KCNK2: variants seen among roughly 807,000 people sequenced by gnomAD.
KCNK2 encodes potassium channel subfamily K member 2.
In KCNK2, 21 loss-of-function variants were observed where a neutral mutation model predicts 40.5. The ratio of observed to expected loss-of-function variants is 0.52; its 90% CI spans 0.37 to 0.75. The LOEUF is 0.75. KCNK2 is among the 30% of genes least tolerant of loss of function. The pLI is 0.00. For synonymous variants in KCNK2, 191 were observed against 202.2 expected, an observed-to-expected ratio of 0.94 and a Z score of 0.47; for missense variants, 399 against 531.6, an observed-to-expected ratio of 0.75 and a Z score of 2.45.
intron 3 of KCNK2, among the ~76,000 whole-genome samples, chr1:215,132,947 G>A (rs1304403556): frequency 6.6e-6 from 1 of 152,184 alleles, no homozygotes; most frequent in Non-Finnish European, 1.5e-5. Flanking sequence ...AGAGCACCTA[G>A]TACCCAGAAT....
At chr1:215,100,606 A>G (rs917527721) in intron 2 of KCNK2, among the ~76,000 whole-genome samples, 2 of 152,022 alleles carry the variant, frequency 1.3e-5, no homozygotes, top group African/African-American at 2.4e-5. Context: ...CAGTCCATAA[A>G]GAAATTTAAA....
At chr1:215,125,211 T>G (rs1661362030) in intron 3 of KCNK2, among the ~76,000 whole-genome samples, 1 of 152,188 alleles carries the variant, frequency 6.6e-6, no homozygotes, top group African/African-American at 2.4e-5. Context: ...TGATGATTAC[T>G]TCAGGGCTTT....
chr1:215,007,780 T>C (rs1436007830), intron 1 of KCNK2, among the ~76,000 whole-genome samples: 1 of 152,176 alleles, frequency 6.6e-6, no homozygotes, highest in Non-Finnish European at 1.5e-5. Context: ...TGTATAATCA[T>C]CTATAGCATT....
intron 2 of KCNK2, among the ~76,000 whole-genome samples, chr1:215,104,625 T>C (rs1287542618): frequency 6.6e-6 from 1 of 152,078 alleles, no homozygotes; most frequent in Non-Finnish European, 1.5e-5. Flanking sequence ...AGGTGGTGTC[T>C]TTATGAAGTA....
chr1:215,120,325 G>A (rs187960815), intron 2 of KCNK2, among the ~76,000 whole-genome samples: 1 of 152,110 alleles, frequency 6.6e-6, no homozygotes, highest in Non-Finnish European at 1.5e-5. Context: ...AATTAATGGG[G>A]GCGGAGTCTG....
At chr1:215,131,697 C>T (rs1198473197) in intron 3 of KCNK2, among the ~76,000 whole-genome samples, 1 of 151,888 alleles carries the variant, frequency 6.6e-6, no homozygotes, top group Non-Finnish European at 1.5e-5. Context: ...CCACTATGGT[C>T]TACAGTGACT....
intron 1 of KCNK2, among the ~76,000 whole-genome samples, chr1:215,071,104 G>A (rs1346693785): frequency 2.0e-5 from 3 of 152,156 alleles, no homozygotes; most frequent in African/African-American, 7.2e-5. Context: ...ATAGTTAGCA[G>A]AATTCTGAAC....
At chr1:215,089,769 A>G (rs923093848) in intron 2 of KCNK2, among the ~76,000 whole-genome samples, 3 of 152,066 alleles carry the variant, frequency 2.0e-5, no homozygotes, top group African/African-American at 7.2e-5. Context: ...ATTACATTTA[A>G]ACTAATGTGA....
chr1:215,186,375 C>A (rs1242991557), intron 5 of KCNK2, among the ~76,000 whole-genome samples: 2 of 152,098 alleles, frequency 1.3e-5, no homozygotes, highest in African/African-American at 4.8e-5. Context: ...TCCTGGGCAA[C>A]AGGGCGAGGC....
At chr1:215,204,037 CAAA>C (rs71167813) in intron 6 of KCNK2, among the ~76,000 whole-genome samples, 61 of 53,178 alleles carry the variant, frequency 1.1e-3, no homozygotes, top group African/African-American at 6.3e-3. Context: ...GACTCCGTCT[CAAA>C]AAAAAAAAAA....
intron 6 of KCNK2, among the ~76,000 whole-genome samples, chr1:215,210,722 T>G (rs1665707213): frequency 6.6e-6 from 1 of 152,106 alleles, no homozygotes; most frequent in Non-Finnish European, 1.5e-5. Flanking sequence ...GTACTAATAA[T>G]CACTACAGGG....
At chr1:215,036,868 C>T (rs1406539810) in intron 1 of KCNK2, among the ~76,000 whole-genome samples, 1 of 151,714 alleles carries the variant, frequency 6.6e-6, no homozygotes, top group African/African-American at 2.4e-5. Context: ...ATGTTTTGAG[C>T]TTGTATCCTG....
chr1:215,012,892 A>G (rs183796727), intron 1 of KCNK2, among the ~76,000 whole-genome samples: 264 of 152,106 alleles, frequency 1.7e-3, no homozygotes, highest in Non-Finnish European at 3.0e-3. Context: ...AGAACAATTG[A>G]TGAACTTTTT....
chr1:215,134,014 C>G (rs1004272527), intron 3 of KCNK2, among the ~76,000 whole-genome samples: 1 of 152,088 alleles, frequency 6.6e-6, no homozygotes, highest in Non-Finnish European at 1.5e-5. Flanking sequence ...CCTCTCCCCT[C>G]TAGGCGTAAA....
chr1:215,014,675 T>C (rs560653872), intron 1 of KCNK2, among the ~76,000 whole-genome samples: 1 of 152,160 alleles, frequency 6.6e-6, no homozygotes, highest in Non-Finnish European at 1.5e-5. Flanking sequence ...AGAAACCACA[T>C]CCAGCCAGGA....
intron 1 of KCNK2, among the ~76,000 whole-genome samples, chr1:215,070,305 A>T (rs1318723288): frequency 6.6e-6 from 1 of 151,036 alleles, no homozygotes; most frequent in Non-Finnish European, 1.5e-5. Context: ...AGTCCCAGCT[A>T]CTTGGGAGGC....
chr1:215,141,148 T>C (rs1251545151), intron 3 of KCNK2, among the ~76,000 whole-genome samples: 2 of 152,132 alleles, frequency 1.3e-5, no homozygotes, highest in African/African-American at 4.8e-5. Flanking sequence ...GGAGCTGTCA[T>C]CTCCTATGAT....
intron 1 of KCNK2, among the ~76,000 whole-genome samples, chr1:215,069,302 C>T (rs1226776976): frequency 2.6e-5 from 4 of 152,156 alleles, no homozygotes; most frequent in Admixed American, 6.5e-5. Flanking sequence ...AAGCTCCCTG[C>T]CCTAGGAAGG....
intron 6 of KCNK2, among the ~76,000 whole-genome samples, chr1:215,195,809 T>C (rs1304906991): frequency 6.6e-6 from 1 of 152,178 alleles, no homozygotes; most frequent in Non-Finnish European, 1.5e-5. Flanking sequence ...TGTGACAGGG[T>C]AATGTTTTAT....
Sources: allele counts gnomAD v4.1 joint callset (sites outside exome capture counted in the v4.1 genomes callset), GRCh38; gene constraint gnomAD v4.1.1; transcripts MANE v1.5; gene names NCBI Gene and HGNC (gene_info 2026-07-23, HGNC 2026-07-21).